The following STK3 variants were observed in gnomAD, a reference collection of about 807,000 sequenced individuals.
STK3 encodes serine/threonine kinase 3.
A neutral mutation model predicts 58.0 loss-of-function variants in STK3; 41 were observed. The observed-to-expected ratio is 0.71, with a 90% CI of 0.55 to 0.92. The LOEUF (loss-of-function observed/expected upper bound fraction) is 0.92. Among genes scored for constraint, STK3 ranks in the 40% least tolerant of loss-of-function variants. STK3 has a pLI of 0.00. For missense variants in STK3, 479 were observed against 602.7 expected (o/e 0.79, Z 2.15); for synonymous variants, 170 against 191.0 (o/e 0.89, Z 0.91).
intron 1 of STK3, among the ~76,000 whole-genome samples, chr8:98,908,510 A>T (rs924083043): frequency 6.6e-6 from 1 of 152,136 alleles, no homozygotes; most frequent in African/African-American, 2.4e-5. Flanking sequence ...CTATCATTAC[A>T]CCATTGCACT....
chr8:98,737,741 T>G (rs1049096156), intron 4 of STK3, among the ~76,000 whole-genome samples: 3 of 152,200 alleles, frequency 2.0e-5, no homozygotes, highest in African/African-American at 7.2e-5. Flanking sequence ...GGAGTTTCAC[T>G]CTTTCGCCTA....
chr8:98,908,843 C>CAAAAAAA lies in STK3; in HGVS notation c.-78-25016_-78-25010dup, dbSNP rs1187304586. ...GGGGGACAAGAGAGAGACTTCTTCT[C>CAAAAAAA]AAAAAAAAAAAAAAAAAAAAAGAAA... On this transcript the variant is annotated intron_variant, in intron 1 of 1. Coordinates refer to the STK3 transcript ENST00000519420. 3.3e-5 allele frequency among the ~76,000 whole-genome samples: 2 copies of CAAAAAAA among 60,454 alleles called. 1 individual carries two copies. Among genetic ancestry groups the CAAAAAAA allele is most frequent in the Non-Finnish European group, 6.8e-5 (2 of 29,608 alleles). 39.7% of individuals were successfully genotyped at this position (60,454 alleles called of 152,430 possible). A position where few individuals can be genotyped will look rare whatever the true frequency, so the allele number is the denominator to read the frequency against.
chr8:98,770,718 A>G (rs1006029918), intron 2 of STK3, among the ~76,000 whole-genome samples: 49 of 152,246 alleles, frequency 3.2e-4, no homozygotes, highest in African/African-American at 1.1e-3. Context: ...CCAAAGCTCT[A>G]TTAGTGCAGG....
chr8:98,695,514 A>C (rs201699247), intron 6 of STK3, among the ~76,000 whole-genome samples: 3 of 152,158 alleles, frequency 2.0e-5, no homozygotes, highest in Non-Finnish European at 4.4e-5. Context: ...ATCTTGAATT[A>C]ATTTTTGTAT....
At chr8:98,384,877 C>G (rs532236050) in intron 1 of STK3, among the ~76,000 whole-genome samples, 1 of 152,274 alleles carries the variant, frequency 6.6e-6, no homozygotes, top group African/African-American at 2.4e-5. Flanking sequence ...CATTCCACCT[C>G]TCATCACGTC....
intron 6 of STK3, among the ~76,000 whole-genome samples, chr8:98,676,102 A>G (rs990310321): frequency 6.6e-5 from 10 of 152,228 alleles, no homozygotes; most frequent in African/African-American, 2.4e-4. Flanking sequence ...GAAAGCAGCC[A>G]GACAGAAAAG....
chr8:98,798,104 G>C (rs767355151), intron 1 of STK3, among the ~76,000 whole-genome samples: 5 of 152,110 alleles, frequency 3.3e-5, no homozygotes, highest in African/African-American at 4.8e-5. Flanking sequence ...ACATGATACA[G>C]CAATAGAGGC....
At chr8:98,738,302 A>C (rs1828799435) in intron 4 of STK3, among the ~76,000 whole-genome samples, 1 of 151,938 alleles carries the variant, frequency 6.6e-6, no homozygotes, top group African/African-American at 2.4e-5. Flanking sequence ...GCGAAACCCT[A>C]TCTCTACTAA....
chr8:98,650,642 T>C (rs925085712), intron 6 of STK3, among the ~76,000 whole-genome samples: 9 of 152,380 alleles, frequency 5.9e-5, no homozygotes, highest in Admixed American at 3.3e-4. Context: ...ACCCTAATAC[T>C]GTGCTTTTCC....
intron 3 of STK3, among the ~76,000 whole-genome samples, chr8:98,417,383 G>A (rs185162758): frequency 1.6e-3 from 241 of 152,138 alleles, no homozygotes; most frequent in Non-Finnish European, 2.7e-3. Flanking sequence ...GAGTGTTGGC[G>A]CCCACCTGTA....
chr8:98,645,492 A>G (rs970601320), intron 6 of STK3, among the ~76,000 whole-genome samples: 1 of 152,216 alleles, frequency 6.6e-6, no homozygotes, highest in African/African-American at 2.4e-5. Context: ...ATTTTATATT[A>G]GACACCCTTT....
intron 6 of STK3, among the ~76,000 whole-genome samples, chr8:98,611,935 T>C (rs1385873101): frequency 1.3e-5 from 2 of 151,894 alleles, no homozygotes; most frequent in Non-Finnish European, 2.9e-5. Context: ...ACAGAGTTCA[T>C]AAATAGAATG....
Position 98,428,133 on chromosome 8 carries a change from C to A in STK3, n.483+5994G>T. On this transcript the variant is annotated intron_variant and non_coding_transcript_variant, in intron 3 of 3. Coordinates refer to the STK3 transcript ENST00000517832. The surrounding 1 kb of genome is among the most constrained non-coding windows in gnomAD (Gnocchi z 6.7). ...GGGCCGCTTGCTGCTCTGCCACTCG[C>A]GCGAGGCCATTCTGGAGCTCTGCGA... 1.2e-6 allele frequency: 2 copies of A among 1,613,996 alleles called. No individual in the cohort carries two copies. Among genetic ancestry groups the A allele is most frequent in the South Asian group, 2.2e-5 (2 of 91,078 alleles).
In STK3 at chr8:98,851,346, C is replaced by T. The variant is rs77452726; in HGVS notation, c.110+32301G>A. On this transcript the variant is annotated intron_variant, in intron 3 of 12. Coordinates refer to the STK3 transcript ENST00000523601. ...AATGTGCGGAAGTTCCTCGAGCCCA[C>T]GCTAGTATAGAGAAAGGCTCTTGTG... is the stretch of plus-strand genomic sequence containing the variant. Among the ~76,000 whole-genome samples the T allele has an allele frequency of 1.1e-3, 168 of 152,236 alleles. 1 individual carries two copies. Among genetic ancestry groups the T allele is most frequent in the African/African-American group, 3.6e-3 (149 of 41,548 alleles).
chr8:98,738,484 A>T (rs548230100), intron 4 of STK3, among the ~76,000 whole-genome samples: 2 of 152,096 alleles, frequency 1.3e-5, no homozygotes, highest in Non-Finnish European at 1.5e-5. Flanking sequence ...AAAATAAAAT[A>T]AAAAATAAAA....
At chr8:98,371,073 A>C (rs999443610), downstream of STK3, among the ~76,000 whole-genome samples, 1 of 152,220 alleles carries the variant, frequency 6.6e-6, no homozygotes, top group African/African-American at 2.4e-5. Flanking sequence ...GTCCCAGAGG[A>C]GCACCCAGGA....
Position 98,607,565 on chromosome 8 carries a change from C to G in STK3, c.685-11396G>C, listed in dbSNP as rs531208983. 2.0e-5 allele frequency among the ~76,000 whole-genome samples: 3 copies of G among 152,282 alleles called. No individual in the cohort carries two copies. In the East Asian group the frequency reaches 5.8e-4, roughly 29 times the overall value. ...GCAAATCTTTTTAGCATCTTTTTAG[C>G]ATTTTGTAGTGAAATGAGAAATACG... On this transcript the variant is annotated intron_variant, in intron 6 of 10. Transcript: ENST00000419617.
At chr8:98,392,081 T>C (rs534915948), upstream of STK3, among the ~76,000 whole-genome samples, 1 of 152,300 alleles carries the variant, frequency 6.6e-6, no homozygotes, top group South Asian at 2.1e-4. Flanking sequence ...AAGAACTAAA[T>C]GTTATACTCA....
intron 1 of STK3, among the ~76,000 whole-genome samples, chr8:98,940,337 AGGGCCTCAGCT>A (rs1308536281): frequency 6.6e-6 from 1 of 152,164 alleles, no homozygotes; most frequent in East Asian, 1.9e-4. Flanking sequence ...GCGGCAGCCG[AGGGCCTCAGCT>A]GGGAAATCCA....
Sources: gnomAD v4.1 joint callset for allele counts (sites outside exome capture counted in the v4.1 genomes callset) on GRCh38, gnomAD v4.1.1 for gene constraint, Gnocchi (gnomAD v3.1) non-coding constraint, MANE v1.5 for transcripts, NCBI Gene and HGNC (gene_info 2026-07-23, HGNC 2026-07-21) for gene names.